Variants in FAAH2 observed in about 807,000 individuals in gnomAD.
FAAH2 encodes fatty-acid amide hydrolase 2.
FAAH2 carries 60 observed loss-of-function variants against 36.9 expected under a neutral mutation model. The observed-to-expected ratio is 1.63, with a 90% CI of 1.32 to 2.02. The LOEUF is 2.02. Among genes scored for constraint, FAAH2 ranks in the 30% most tolerant of loss-of-function variants. The pLI is 0.00. For synonymous variants in FAAH2, 214 were observed against 143.8 expected, an observed-to-expected ratio of 1.49 and a Z score of -3.49; for missense variants, 689 against 397.5, an observed-to-expected ratio of 1.73 and a Z score of -6.23.
intron 2 of FAAH2, among the ~76,000 whole-genome samples, chrX:57,306,797 C>T (rs1430874563): frequency 2.2e-5 from 2 of 92,712 alleles, no homozygotes; most frequent in Non-Finnish European, 4.3e-5. Flanking sequence ...ACTATATATA[C>T]ACTTTATATA....
chrX:57,345,433 C>T (rs1447124516), intron 5 of FAAH2, among the ~76,000 whole-genome samples: 1 of 110,971 alleles, frequency 9.0e-6, no homozygotes, highest in Non-Finnish European at 1.9e-5. Context: ...TAGAGGTGTT[C>T]ATAAAAACCA....
rs200825666 is a variant in FAAH2 at position 57,380,997 on chromosome X, G to T, written c.964G>T (p.Val322Leu). 11 of 1,190,673 alleles carry T rather than the reference G, an allele frequency of 9.2e-6. No individual in the cohort carries two copies. The East Asian group carries it at 3.3e-4, about 36-fold the overall frequency. ...HDGGSFLMSK[V>L]DQDLIMTQKK... is the part of the protein sequence containing the mutation. ...TGGAGGCTCATTTTTAATGTCCAAAGTGGACCAAGATCTCATTATGACTCA... is the reference window on the plus strand; with the variant it reads ...TGGAGGCTCATTTTTAATGTCCAAATTGGACCAAGATCTCATTATGACTCA... The change falls in exon 7 of 11, where the codon GTG (valine) becomes TTG (leucine). Residue 322 changes from valine to leucine, a missense_variant. Coordinates refer to ENST00000374900, the MANE Select transcript of FAAH2 (RefSeq NM_174912.4).
chrX:57,244,900 G>C, the FAAH2 span, among the ~76,000 whole-genome samples: 1 of 111,500 alleles, frequency 9.0e-6, no homozygotes, highest in African/African-American at 3.3e-5. Flanking sequence ...AAATGTAAAT[G>C]GGTTAAATGC....
chrX:57,310,498 G>C (rs1271921601), intron 2 of FAAH2, 95 bp from the exon 3 acceptor site: 22 of 925,616 alleles, frequency 2.4e-5, no homozygotes, highest in Non-Finnish European at 3.1e-5. Context: ...TTAATATGTT[G>C]ATTACATATT....
chrX:57,154,358 A>G, the FAAH2 span, among the ~76,000 whole-genome samples: 12,884 of 102,940 alleles, frequency 0.13, 2,025 homozygotes, highest in African/African-American at 0.43. Flanking sequence ...TTTGCTCCCC[A>G]GTTCAAGCAA....
chrX:57,387,482 A>T (rs982076747), intron 7 of FAAH2, among the ~76,000 whole-genome samples: 1 of 111,521 alleles, frequency 9.0e-6, no homozygotes, highest in Non-Finnish European at 1.9e-5. Context: ...AATGAGGAAA[A>T]CAGAGAAGAC....
At chrX:57,168,511 C>T in the FAAH2 span, among the ~76,000 whole-genome samples, 1 of 111,887 alleles carries the variant, frequency 8.9e-6, no homozygotes, top group Admixed American at 9.5e-5. Context: ...ATTATTCTAA[C>T]CTTCTCCTTT....
chrX:57,283,283 A>G (rs1395076369), upstream of FAAH2, among the ~76,000 whole-genome samples: 1 of 110,318 alleles, frequency 9.1e-6, no homozygotes, highest in Non-Finnish European at 1.9e-5. Flanking sequence ...TGGGACCTCC[A>G]TCTCAGAAAA....
At chrX:57,190,494 C>A in the FAAH2 span, among the ~76,000 whole-genome samples, 3 of 106,686 alleles carry the variant, frequency 2.8e-5, no homozygotes, top group African/African-American at 1.0e-4. Context: ...TCTGACCAAA[C>A]AGCCGCCCAG....
chrX:57,351,719 C>G (rs1189674674), intron 5 of FAAH2, among the ~76,000 whole-genome samples: 1 of 108,007 alleles, frequency 9.3e-6, no homozygotes, highest in Non-Finnish European at 1.9e-5. Flanking sequence ...TCTAGAAAAC[C>G]TATCAGAAAC....
chrX:57,350,767 A>G (rs1165040507), intron 5 of FAAH2, among the ~76,000 whole-genome samples: 1 of 111,420 alleles, frequency 9.0e-6, no homozygotes, highest in Non-Finnish European at 1.9e-5. Flanking sequence ...TTATATAATG[A>G]TAAAGAAATC....
intron 1 of FAAH2, among the ~76,000 whole-genome samples, chrX:57,287,524 A>G (rs2051843638): frequency 8.9e-6 from 1 of 111,982 alleles, no homozygotes; most frequent in African/African-American, 3.2e-5. Flanking sequence ...TATGTGAAAT[A>G]CTCTGCCTGG....
intron 7 of FAAH2, among the ~76,000 whole-genome samples, chrX:57,396,375 G>GTTTTTTT (rs151133925): frequency 3.6e-5 from 3 of 84,183 alleles, no homozygotes; most frequent in Admixed American, 1.3e-4. Flanking sequence ...TAGGTTTAGT[G>GTTTTTTT]TTTTTTTTTT....
the FAAH2 span, among the ~76,000 whole-genome samples, chrX:57,212,821 T>C: frequency 1.8e-5 from 2 of 112,058 alleles, no homozygotes; most frequent in Non-Finnish European, 3.8e-5. Flanking sequence ...AACTTTAATA[T>C]CAGTGTGATC....
At chrX:57,172,324 G>A in the FAAH2 span, among the ~76,000 whole-genome samples, 2 of 111,393 alleles carry the variant, frequency 1.8e-5, no homozygotes, top group Non-Finnish European at 3.8e-5. Flanking sequence ...CCCCCTCACA[G>A]GGTGTGAGAC....
intron 10 of FAAH2, among the ~76,000 whole-genome samples, chrX:57,471,732 G>GA (rs748745207): frequency 2.2e-4 from 25 of 111,441 alleles, no homozygotes; most frequent in African/African-American, 7.2e-4. Context: ...CACAGAATTG[G>GA]AAAAAACTAC....
chrX:57,307,179 C>A (rs925988447), intron 2 of FAAH2, among the ~76,000 whole-genome samples: 1 of 104,251 alleles, frequency 9.6e-6, no homozygotes, highest in Admixed American at 1.1e-4. Flanking sequence ...ATCCCTTCAT[C>A]TTTCTATTCT....
At chrX:57,259,336 G>T in the FAAH2 span, among the ~76,000 whole-genome samples, 1 of 111,849 alleles carries the variant, frequency 8.9e-6, no homozygotes, top group African/African-American at 3.2e-5. Flanking sequence ...CAATAGCTAA[G>T]ATATGGAAAA....
the FAAH2 span, among the ~76,000 whole-genome samples, chrX:57,144,214 T>G: frequency 9.0e-6 from 1 of 111,702 alleles, no homozygotes; most frequent in Non-Finnish European, 1.9e-5. Flanking sequence ...TTATTTGGTT[T>G]TTTCTTTTGC....
Sources: gnomAD v4.1 joint callset for allele counts (sites outside exome capture counted in the v4.1 genomes callset) on GRCh38, gnomAD v4.1.1 for gene constraint, MANE v1.5 for transcripts, NCBI Gene and HGNC (gene_info 2026-07-23, HGNC 2026-07-21) for gene names.